Variants in CFAP96 observed in about 807,000 individuals in gnomAD.
CFAP96 encodes cilia and flagella associated protein 96.
the CFAP96 span, among the ~76,000 whole-genome samples, chr4:185,447,777 C>T: frequency 5.9e-5 from 9 of 152,106 alleles, no homozygotes; most frequent in Non-Finnish European, 7.4e-5. Flanking sequence ...AAAATAACCA[C>T]CCCCCAAACT....
At chr4:185,430,447 A>C in the CFAP96 span, among the ~76,000 whole-genome samples, 1 of 152,360 alleles carries the variant, frequency 6.6e-6, no homozygotes, top group Non-Finnish European at 1.5e-5. Context: ...AAGGATATCT[A>C]TGAAAATATT....
At chr4:185,417,542 T>C in the CFAP96 span, among the ~76,000 whole-genome samples, 1 of 152,310 alleles carries the variant, frequency 6.6e-6, no homozygotes, top group South Asian at 2.1e-4. Flanking sequence ...TTTCCATAGC[T>C]AGTGGTTTAG....
chr4:185,425,961 G>A, the CFAP96 span: 1 of 1,465,392 alleles, frequency 6.8e-7, no homozygotes. Context: ...CCCAGGGGCG[G>A]GGCCCGGGCG....
At chr4:185,444,959 C>T in the CFAP96 span, 42 of 1,542,304 alleles carry the variant, frequency 2.7e-5, no homozygotes, top group African/African-American at 6.9e-5. Flanking sequence ...CGTTTTTCTT[C>T]GCAGCCTGGT....
At chr4:185,444,324 A>G in the CFAP96 span, among the ~76,000 whole-genome samples, 3 of 152,182 alleles carry the variant, frequency 2.0e-5, no homozygotes, top group Non-Finnish European at 4.4e-5. Flanking sequence ...GCCTAATTAA[A>G]TGGGTTATTA....
At chr4:185,426,148 T>G in the CFAP96 span, 2 of 519,560 alleles carry the variant, frequency 3.8e-6, no homozygotes, top group East Asian at 6.3e-5. Context: ...TGTTCTTCGA[T>G]GCGGATTCGA....
At chr4:185,439,505 T>C in the CFAP96 span, among the ~76,000 whole-genome samples, 1 of 152,158 alleles carries the variant, frequency 6.6e-6, no homozygotes, top group African/African-American at 2.4e-5. Context: ...GTTCAGTTTG[T>C]TGAATGATGA....
At chr4:185,437,439 C>A in the CFAP96 span, among the ~76,000 whole-genome samples, 1 of 152,146 alleles carries the variant, frequency 6.6e-6, no homozygotes, top group Non-Finnish European at 1.5e-5. Flanking sequence ...GGACATTAAG[C>A]ATTAAATGGC....
At chr4:185,442,377 GTTATA>G in the CFAP96 span, among the ~76,000 whole-genome samples, 1 of 151,886 alleles carries the variant, frequency 6.6e-6, no homozygotes, top group African/African-American at 2.4e-5. Context: ...TATTGCATAG[GTTATA>G]TTATATCTTA....
chr4:185,443,449 A>T, the CFAP96 span, among the ~76,000 whole-genome samples: 3 of 147,814 alleles, frequency 2.0e-5, no homozygotes, highest in Non-Finnish European at 3.0e-5. Flanking sequence ...GTTCAATTCA[A>T]GCGATTCCTT....
the CFAP96 span, among the ~76,000 whole-genome samples, chr4:185,434,128 A>G: frequency 0.99 from 150,021 of 152,246 alleles, 73,955 homozygotes; most frequent in East Asian, 1. Flanking sequence ...CGGAGGTTGC[A>G]GGGAACACTT....
At chr4:185,431,820 T>G in the CFAP96 span, among the ~76,000 whole-genome samples, 1 of 152,256 alleles carries the variant, frequency 6.6e-6, no homozygotes, top group Non-Finnish European at 1.5e-5. Flanking sequence ...ATTGTCAAGA[T>G]AGCCATTCAC....
chr4:185,420,625 T>C, the CFAP96 span, among the ~76,000 whole-genome samples: 1 of 152,176 alleles, frequency 6.6e-6, no homozygotes, highest in African/African-American at 2.4e-5. Context: ...GAAAGCAGAA[T>C]TTAAAGATTT....
the CFAP96 span, among the ~76,000 whole-genome samples, chr4:185,443,915 ATCTTTCTTTTTTTTT>A: frequency 3.3e-5 from 4 of 122,552 alleles, no homozygotes; most frequent in Non-Finnish European, 6.8e-5. Context: ...TTATAACTAT[ATCTTTCTTTTTTTTT>A]TTTTTTTTTT....
At chr4:185,440,611 T>A in the CFAP96 span, 1 of 1,536,772 alleles carries the variant, frequency 6.5e-7, no homozygotes, top group Non-Finnish European at 8.8e-7. Flanking sequence ...CAAGGGACTA[T>A]TTTGACGCTA....
the CFAP96 span, among the ~76,000 whole-genome samples, chr4:185,409,035 C>G: frequency 6.6e-6 from 1 of 152,088 alleles, no homozygotes; most frequent in Non-Finnish European, 1.5e-5. Context: ...TCAGTGAGTA[C>G]ATACACTGTG....
At chr4:185,419,333 C>T in the CFAP96 span, among the ~76,000 whole-genome samples, 422 of 151,972 alleles carry the variant, frequency 2.8e-3, no homozygotes, top group African/African-American at 8.7e-3. Context: ...GGTTTCACCA[C>T]GTTAGCCAGG....
chr4:185,444,108 C>G, the CFAP96 span, among the ~76,000 whole-genome samples: 1 of 148,192 alleles, frequency 6.7e-6, no homozygotes, highest in Non-Finnish European at 1.5e-5. Context: ...CGCCCGCCAC[C>G]GCGCCCGGCT....
At chr4:185,413,901 G>GA in the CFAP96 span, 2 of 1,551,286 alleles carry the variant, frequency 1.3e-6, no homozygotes, top group Non-Finnish European at 1.7e-6. Context: ...AACAGAAAAA[G>GA]AAAAAATGTT....
Sources: gnomAD v4.1 joint callset for allele counts (sites outside exome capture counted in the v4.1 genomes callset) on GRCh38, gnomAD v4.1.1 for gene constraint, MANE v1.5 for transcripts, NCBI Gene and HGNC (gene_info 2026-07-23, HGNC 2026-07-21) for gene names.